The following ENTPD3 variants were observed in gnomAD, a reference collection of about 807,000 sequenced individuals.
ENTPD3 encodes CD39 antigen-like 3.
Under a neutral mutation model 51.2 loss-of-function variants are expected in ENTPD3, and 60 were observed. The ratio of observed to expected loss-of-function variants is 1.17; its 90% confidence interval spans 0.95 to 1.45. ENTPD3 has a LOEUF of 1.45. Ranked by LOEUF, ENTPD3 falls within the 40% of genes most tolerant of loss-of-function variation. The pLI is 0.00. For missense variants in ENTPD3, 593 were observed against 641.1 expected (o/e 0.93, Z 0.81); for synonymous variants, 221 against 238.4 (o/e 0.93, Z 0.67).
At chr3:40,416,887 A>G (rs1325153257) in intron 7 of ENTPD3, among the ~76,000 whole-genome samples, 1 of 152,170 alleles carries the variant, frequency 6.6e-6, no homozygotes, top group Non-Finnish European at 1.5e-5. Flanking sequence ...CAAAATGGAC[A>G]CAACTTCAGT....
chr3:40,391,675 CAAA>C (rs769795251), intron 2 of ENTPD3: 644 of 151,910 alleles, frequency 4.2e-3, no homozygotes, highest in South Asian at 7.2e-3. Context: ...GACTCCATCT[CAAA>C]AAAAAAAAAA....
Position 40,424,941 on chromosome 3 carries a change from T to G in ENTPD3, c.1353+978T>G, listed in dbSNP as rs994800979. On this transcript the variant is annotated intron_variant, in intron 10 of 10. Coordinates refer to ENST00000301825, the MANE Select transcript of ENTPD3 (RefSeq NM_001248.4). ...TAAGGATGTCTGGAGACATAAGGAC[T>G]GTTGGTAGCATGTACTCTCTAAGCT... 3.4e-5 allele frequency: 20 copies of G among 590,494 alleles called. No homozygotes were observed. In the African/African-American group the frequency reaches 3.5e-4, roughly 10 times the overall value. The allele number at this position is 590,494 out of a possible 1,614,324, so 36.6% of individuals were successfully genotyped here.
At chr3:40,409,667 G>A (rs1313095164) in intron 4 of ENTPD3, among the ~76,000 whole-genome samples, 2 of 152,180 alleles carry the variant, frequency 1.3e-5, no homozygotes, top group Non-Finnish European at 2.9e-5. Context: ...TCCAAAGAAG[G>A]AAGTTTCCAG....
intron 4 of ENTPD3, among the ~76,000 whole-genome samples, chr3:40,407,767 A>G (rs1955537421): frequency 6.6e-6 from 1 of 152,166 alleles, no homozygotes; most frequent in South Asian, 2.1e-4. Flanking sequence ...CAGTGAGGGG[A>G]GAAGAAGGTC....
intron 9 of ENTPD3, 49 bp downstream of exon 9, chr3:40,423,450 A>G (rs1368990857): frequency 1.6e-6 from 2 of 1,270,558 alleles, no homozygotes; most frequent in East Asian, 2.3e-5. Context: ...AAAATATGGT[A>G]GAATCTATTC....
intron 10 of ENTPD3, 79 bp from the exon 11 acceptor site, chr3:40,427,193 T>C: frequency 8.5e-7 from 1 of 1,171,476 alleles, no homozygotes; most frequent in South Asian, 1.3e-5. Context: ...TTTGTGAGGT[T>C]GATAGCAGTA....
intron 7 of ENTPD3, among the ~76,000 whole-genome samples, chr3:40,422,211 G>C (rs1301705148): frequency 6.6e-6 from 1 of 151,060 alleles, no homozygotes; most frequent in African/African-American, 2.4e-5. Flanking sequence ...TCAAAGACAT[G>C]CTGACACAGA....
At chr3:40,388,594 ACACACACACACACACACACACACACACAC>A (rs1954993101) in intron 2 of ENTPD3, among the ~76,000 whole-genome samples, 3 of 138,234 alleles carry the variant, frequency 2.2e-5, no homozygotes, top group Non-Finnish European at 4.6e-5. Context: ...AGACACACAC[ACACACACACACACACACACACACACACAC>A]ACTTCTAAGC....
At chr3:40,424,996 AG>A (rs1230565244) in intron 10 of ENTPD3, 1 of 399,690 alleles carries the variant, frequency 2.5e-6, no homozygotes, top group African/African-American at 2.0e-5. Context: ...TTACCAGTAA[AG>A]TATATTATAA....
At chr3:40,396,758 C>T (rs1391080402) in intron 3 of ENTPD3, among the ~76,000 whole-genome samples, 1 of 152,282 alleles carries the variant, frequency 6.6e-6, no homozygotes, top group Non-Finnish European at 1.5e-5. Context: ...TAATCATAAC[C>T]ATCCAAGAAC....
intron 7 of ENTPD3, among the ~76,000 whole-genome samples, chr3:40,419,454 T>C (rs923887190): frequency 2.6e-5 from 4 of 152,200 alleles, no homozygotes; most frequent in Admixed American, 6.5e-5. Context: ...CAATATCATG[T>C]TGTTCTACTT....
In ENTPD3 at chr3:40,417,448, C is replaced by T. The variant is rs72863247; in HGVS notation, c.831+1375C>T. Among the ~76,000 whole-genome samples the T allele has an allele frequency of 8.5e-3, 1,292 of 152,178 alleles. 18 individuals are homozygous for T. The highest frequency in any genetic ancestry group is 0.028 in the African/African-American group (1,149 of 41,522). ...AGAGAGTGAAGCGGAAGGTGCCATA[C>T]AATTTTAAACAACCAGATCTCCTGA... On this transcript the variant is annotated intron_variant, in intron 7 of 10. Coordinates refer to ENST00000301825, the MANE Select transcript of ENTPD3 (RefSeq NM_001248.4).
intron 4 of ENTPD3, among the ~76,000 whole-genome samples, chr3:40,410,979 T>C (rs1305332691): frequency 6.6e-6 from 1 of 152,110 alleles, no homozygotes; most frequent in Non-Finnish European, 1.5e-5. Flanking sequence ...CATGACTGGA[T>C]AGTTAATGAT....
intron 4 of ENTPD3, among the ~76,000 whole-genome samples, chr3:40,407,289 T>G (rs879890037): frequency 6.6e-6 from 1 of 152,080 alleles, no homozygotes; most frequent in Non-Finnish European, 1.5e-5. Context: ...ACTCTGCCCC[T>G]TTAGCATGAA....
Position 40,427,551 on chromosome 3 carries a change from A to G in ENTPD3, c.*43A>G, listed in dbSNP as rs1956009335. ...TGGAGTCCAATGGCTGCTTAGAGTC[A>G]GCCTGGGTGGCACCAGGCAATGCAG... is the stretch of plus-strand genomic sequence containing the variant. On this transcript the variant is annotated 3_prime_UTR_variant, in exon 11 of 11. Transcript: ENST00000301825. 1.3e-6 allele frequency: 2 copies of G among 1,496,232 alleles called. No homozygotes were observed. Among genetic ancestry groups the G allele is most frequent in the African/African-American group, 2.8e-5 (2 of 72,668 alleles). The allele number at this position is 1,496,232 out of a possible 1,614,324, so 92.7% of individuals were successfully genotyped here.
chr3:40,390,448 C>T (rs1312210331), intron 2 of ENTPD3, among the ~76,000 whole-genome samples: 2 of 152,178 alleles, frequency 1.3e-5, no homozygotes, highest in Non-Finnish European at 2.9e-5. Flanking sequence ...CTTCCCATCT[C>T]AGCCTCCCAA....
chr3:40,407,345 A>C (rs985347812), intron 4 of ENTPD3, among the ~76,000 whole-genome samples: 8 of 145,266 alleles, frequency 5.5e-5, no homozygotes, highest in Admixed American at 2.8e-4. Context: ...TTTGCATTTC[A>C]AAAAAAAAAA....
At chr3:40,405,193 G>A (rs950154572) in intron 4 of ENTPD3, among the ~76,000 whole-genome samples, 1 of 152,092 alleles carries the variant, frequency 6.6e-6, no homozygotes, top group African/African-American at 2.4e-5. Context: ...CAGAAACCAG[G>A]CCACCATAGT....
intron 4 of ENTPD3, among the ~76,000 whole-genome samples, chr3:40,408,542 A>C (rs1409091265): frequency 6.6e-6 from 1 of 152,256 alleles, no homozygotes; most frequent in Non-Finnish European, 1.5e-5. Flanking sequence ...TGTGATGTTC[A>C]GCATAGTTTT....
Sources: allele counts gnomAD v4.1 joint callset (sites outside exome capture counted in the v4.1 genomes callset), GRCh38; gene constraint gnomAD v4.1.1; transcripts MANE v1.5; gene names NCBI Gene and HGNC (gene_info 2026-07-23, HGNC 2026-07-21).